RBFOX3: variants seen among roughly 807,000 people sequenced by gnomAD.
RBFOX3 encodes the protein RNA binding protein fox-1 homolog 3.
A neutral mutation model predicts 48.7 loss-of-function variants in RBFOX3; 17 were observed. The observed-to-expected ratio is 0.35, with a 90% CI of 0.24 to 0.52. The LOEUF is 0.52. Among genes scored for constraint, RBFOX3 ranks in the 20% least tolerant of loss-of-function variants. The pLI, the probability that RBFOX3 is intolerant of heterozygous loss-of-function variation, is 0.94. For synonymous variants in RBFOX3, 212 were observed against 209.5 expected, an observed-to-expected ratio of 1.01 and a Z score of -0.10; for missense variants, 382 against 497.5, an observed-to-expected ratio of 0.77 and a Z score of 2.21.
intron 1 of RBFOX3, among the ~76,000 whole-genome samples, chr17:79,554,133 G>T (rs1363215290): frequency 2.0e-5 from 3 of 152,104 alleles, no homozygotes; most frequent in African/African-American, 7.2e-5. Context: ...CTATTTTGTG[G>T]CCCATTATTA....
chr17:79,094,408 G>A (rs2074707653), intron 14 of RBFOX3, 43 bp downstream of exon 14: 1 of 1,424,066 alleles, frequency 7.0e-7, no homozygotes. Context: ...ATGCCCAGCT[G>A]TTAGGACTGG....
chr17:79,275,127 T>G (rs1053126137), intron 3 of RBFOX3, among the ~76,000 whole-genome samples: 1 of 87,474 alleles, frequency 1.1e-5, no homozygotes, highest in Non-Finnish European at 2.5e-5. Context: ...TGTCTCCCTC[T>G]CTCTCTCTCT....
At chr17:79,108,059 G>A (rs563306218) in intron 5 of RBFOX3, among the ~76,000 whole-genome samples, 8 of 152,340 alleles carry the variant, frequency 5.3e-5, no homozygotes, top group Admixed American at 5.2e-4. Context: ...GGTTTTGGGA[G>A]ATCATCTCCC....
chr17:79,284,907 G>T (rs1473473720), intron 3 of RBFOX3, among the ~76,000 whole-genome samples: 1 of 152,088 alleles, frequency 6.6e-6, no homozygotes, highest in African/African-American at 2.4e-5. Context: ...GGCAAGCTTG[G>T]GGCCCTTCAT....
chr17:79,561,278 AG>A (rs1206705401), intron 1 of RBFOX3, among the ~76,000 whole-genome samples: 1 of 152,164 alleles, frequency 6.6e-6, no homozygotes, highest in African/African-American at 2.4e-5. Context: ...AGGGAGTGTC[AG>A]GGGTGCCAGA....
At chr17:79,156,949 G>A (rs1359225999) in intron 4 of RBFOX3, among the ~76,000 whole-genome samples, 1 of 152,186 alleles carries the variant, frequency 6.6e-6, no homozygotes, top group Non-Finnish European at 1.5e-5. Flanking sequence ...GGCTGGGTGA[G>A]AATGAATTTC....
chr17:79,295,638 G>C (rs2074216736), intron 3 of RBFOX3, among the ~76,000 whole-genome samples: 1 of 152,304 alleles, frequency 6.6e-6, no homozygotes, highest in Admixed American at 6.5e-5. Context: ...GTTTTTCTCT[G>C]AGTTTTCAGC....
At chr17:79,559,580 T>G (rs1322382125) in intron 1 of RBFOX3, among the ~76,000 whole-genome samples, 10 of 93,302 alleles carry the variant, frequency 1.1e-4, no homozygotes, top group Admixed American at 6.6e-4. Context: ...GGTGAGTGGG[T>G]GGGGGGGTGG....
chr17:79,150,205 G>C (rs986930067), intron 4 of RBFOX3, among the ~76,000 whole-genome samples: 1 of 151,826 alleles, frequency 6.6e-6, no homozygotes, highest in African/African-American at 2.4e-5. Flanking sequence ...TGTGGGCCAC[G>C]ACCTAGAGCA....
chr17:79,504,582 T>C (rs997885127), intron 1 of RBFOX3, among the ~76,000 whole-genome samples: 17,098 of 152,170 alleles, frequency 0.11, 1,386 homozygotes, highest in East Asian at 0.49. Context: ...GCAGCAACTC[T>C]CTGGCTTGTG....
chr17:79,427,658 C>T (rs910005872), intron 2 of RBFOX3, among the ~76,000 whole-genome samples: 1 of 152,180 alleles, frequency 6.6e-6, no homozygotes, highest in Non-Finnish European at 1.5e-5. Flanking sequence ...CTAAGGCCCC[C>T]GAAGAAGGAT....
chr17:79,574,253 C>T (rs1371702620), intron 1 of RBFOX3, among the ~76,000 whole-genome samples: 3 of 152,334 alleles, frequency 2.0e-5, no homozygotes, highest in African/African-American at 7.2e-5. Context: ...CAGAATGAGG[C>T]TGAGGCCTGC....
At chr17:79,347,613 T>C (rs2083129983) in intron 2 of RBFOX3, among the ~76,000 whole-genome samples, 1 of 152,232 alleles carries the variant, frequency 6.6e-6, no homozygotes, top group Admixed American at 6.5e-5. Flanking sequence ...AATTCACAAA[T>C]GCATTCCTCA....
At chr17:79,510,589 T>C (rs1011510441) in intron 1 of RBFOX3, among the ~76,000 whole-genome samples, 2 of 152,174 alleles carry the variant, frequency 1.3e-5, no homozygotes, top group Non-Finnish European at 2.9e-5. Flanking sequence ...AGCAAGTGAT[T>C]AACAGGCCTG....
chr17:79,200,499 A>AGAGGGGCAGAGGTGCCGCCG (rs967424302), intron 4 of RBFOX3, among the ~76,000 whole-genome samples: 1 of 152,244 alleles, frequency 6.6e-6, no homozygotes, highest in African/African-American at 2.4e-5. Flanking sequence ...CACAGAGCCA[A>AGAGGGGCAGAGGTGCCGCCG]GAGGGGCAGA....
intron 1 of RBFOX3, among the ~76,000 whole-genome samples, chr17:79,536,893 G>A (rs781800546): frequency 1.3e-5 from 2 of 152,112 alleles, no homozygotes; most frequent in Non-Finnish European, 2.9e-5. Flanking sequence ...AGACCATCCT[G>A]GCCAACATGG....
At chr17:79,330,381 A>G (rs532139309) in intron 2 of RBFOX3, among the ~76,000 whole-genome samples, 4 of 152,034 alleles carry the variant, frequency 2.6e-5, no homozygotes, top group South Asian at 4.2e-4. Context: ...GAGTCCCCCC[A>G]GTTTTCTCCC....
intron 1 of RBFOX3, among the ~76,000 whole-genome samples, chr17:79,602,243 A>C (rs1276061299): frequency 6.6e-6 from 1 of 152,246 alleles, no homozygotes. Flanking sequence ...TTTGGCCATC[A>C]GCTGAAGGTT....
At chr17:79,276,410 G>A (rs1210318882) in intron 3 of RBFOX3, among the ~76,000 whole-genome samples, 1 of 152,212 alleles carries the variant, frequency 6.6e-6, no homozygotes, top group Non-Finnish European at 1.5e-5. Context: ...TCTTGACCAG[G>A]CGCGGTGGTT....
Sources: allele counts gnomAD v4.1 joint callset (sites outside exome capture counted in the v4.1 genomes callset), GRCh38; gene constraint gnomAD v4.1.1; transcripts MANE v1.5; gene names NCBI Gene and HGNC (gene_info 2026-07-23, HGNC 2026-07-21).